VPS26C: variants seen among roughly 807,000 people sequenced by gnomAD.
The protein encoded by VPS26C is VPS26 endosomal protein sorting factor C, also known as vacuolar protein sorting-associated protein 26C.
In VPS26C, 19 loss-of-function variants were observed where a neutral mutation model predicts 30.6. The ratio of observed to expected loss-of-function variants is 0.62; its 90% CI spans 0.43 to 0.91. VPS26C has a LOEUF of 0.91. Ranked by LOEUF, VPS26C falls within the 40% of genes least tolerant of loss-of-function variation. The pLI is 0.00. For missense variants in VPS26C, 318 were observed against 385.1 expected (o/e 0.83, Z 1.46); for synonymous variants, 132 against 151.5 (o/e 0.87, Z 0.95).
At chr21:37,252,813 GC>G (rs1323672014) in intron 1 of VPS26C, among the ~76,000 whole-genome samples, 1 of 152,176 alleles carries the variant, frequency 6.6e-6, no homozygotes, top group African/African-American at 2.4e-5. Context: ...TAATGATAAA[GC>G]CAGATTCAAA....
At chr21:37,264,707 G>A (rs1436396088) in intron 1 of VPS26C, among the ~76,000 whole-genome samples, 1 of 152,200 alleles carries the variant, frequency 6.6e-6, no homozygotes, top group African/African-American at 2.4e-5. Flanking sequence ...CTGGTAGACT[G>A]TAAAGTGGTG....
intron 7 of VPS26C, 87 bp from the exon 8 acceptor site, chr21:37,225,713 C>CT: frequency 8.4e-7 from 1 of 1,189,920 alleles, no homozygotes; most frequent in Non-Finnish European, 1.2e-6. Context: ...GCAGGAAGCT[C>CT]TAACGGCGAA....
intron 5 of VPS26C, among the ~76,000 whole-genome samples, chr21:37,231,122 C>T (rs936611620): frequency 6.6e-6 from 1 of 152,214 alleles, no homozygotes; most frequent in Non-Finnish European, 1.5e-5. Flanking sequence ...ACAGCCTCTA[C>T]AACACCACCA....
intron 1 of VPS26C, among the ~76,000 whole-genome samples, chr21:37,248,447 T>C (rs765301884): frequency 2.0e-5 from 3 of 151,308 alleles, no homozygotes; most frequent in Non-Finnish European, 4.4e-5. Flanking sequence ...AAAATGGAGG[T>C]AATTAAAAGA....
chr21:37,231,750 C>A (rs1430349086), intron 5 of VPS26C: 1 of 153,052 alleles, frequency 6.5e-6, no homozygotes, highest in Admixed American at 6.5e-5. Flanking sequence ...TTTGGACGGG[C>A]CCAAGTTCAC....
In VPS26C at chr21:37,232,391, G is replaced by GT. The variant is rs1316729719; in HGVS notation, c.492dup (p.Gln165ThrfsTer92). 17 of 1,614,040 alleles carry GT rather than the reference G, an allele frequency of 1.1e-5. No individual in the cohort carries two copies. Among genetic ancestry groups the GT allele is most frequent in the Non-Finnish European group, 1.4e-5 (17 of 1,180,002 alleles). ...GGACGTCTTACCTCTTTGACGTTCT[G>GT]TAAGGTTTCAGGTGTAATCGTGAAG... On this transcript the variant is annotated frameshift_variant, in exon 5 of 8. Coordinates refer to ENST00000309117, the MANE Select transcript of VPS26C (RefSeq NM_006052.2). LOFTEE classifies it high-confidence loss of function.
At chr21:37,264,921 A>G (rs1458772882) in intron 1 of VPS26C, among the ~76,000 whole-genome samples, 1 of 152,224 alleles carries the variant, frequency 6.6e-6, no homozygotes, top group African/African-American at 2.4e-5. Flanking sequence ...ACAAAATATG[A>G]TCTATCCATA....
chr21:37,265,876 A>G (rs1292588172), intron 1 of VPS26C, among the ~76,000 whole-genome samples: 1 of 145,462 alleles, frequency 6.9e-6, no homozygotes, highest in Non-Finnish European at 1.5e-5. Context: ...GAGTGTGACT[A>G]CCAGATTTCT....
chr21:37,267,592 C>T, upstream of VPS26C: 1 of 461,110 alleles, frequency 2.2e-6, no homozygotes, highest in Non-Finnish European at 3.9e-6. Flanking sequence ...TAGGGACAGT[C>T]TTACGCCGGA....
intron 3 of VPS26C, among the ~76,000 whole-genome samples, chr21:37,235,851 GTATATATATATA>G (rs146084592): frequency 1.8e-5 from 1 of 55,120 alleles, no homozygotes; most frequent in Non-Finnish European, 3.1e-5. Flanking sequence ...ATATGTGTGT[GTATATATATATA>G]TATATATATA....
intron 3 of VPS26C, among the ~76,000 whole-genome samples, chr21:37,237,093 T>A (rs1431925068): frequency 6.6e-6 from 1 of 152,212 alleles, no homozygotes; most frequent in African/African-American, 2.4e-5. Context: ...CACACACGTT[T>A]TCTATGTATA....
chr21:37,262,472 T>C (rs1166589484), intron 1 of VPS26C, among the ~76,000 whole-genome samples: 6 of 152,254 alleles, frequency 3.9e-5, no homozygotes, highest in Non-Finnish European at 7.3e-5. Context: ...AATCATCTTT[T>C]ATTTTATATA....
At chr21:37,245,437 C>G (rs1022345267) in intron 1 of VPS26C, among the ~76,000 whole-genome samples, 1 of 152,188 alleles carries the variant, frequency 6.6e-6, no homozygotes, top group East Asian at 1.9e-4. Context: ...CAACTGCCCA[C>G]GTTCCTTGCT....
In VPS26C at chr21:37,225,139, A is replaced by G. The variant is rs1382024826; in HGVS notation, c.*405T>C. Reference sequence around the variant, plus strand: ...GTCAACTGGCCACAGACCCTTTGCTATGGGGAGTCCCTGGCTACATCCATT... The same window carrying G: ...GTCAACTGGCCACAGACCCTTTGCTGTGGGGAGTCCCTGGCTACATCCATT... On this transcript the variant is annotated 3_prime_UTR_variant, in exon 8 of 8. Coordinates refer to ENST00000309117, the MANE Select transcript of VPS26C (RefSeq NM_006052.2). 1.9e-5 allele frequency: 4 copies of G among 213,032 alleles called. No individual in the cohort carries two copies. Among genetic ancestry groups the G allele is most frequent in the South Asian group, 7.8e-5 (1 of 12,788 alleles). 13.2% of individuals were successfully genotyped at this position (213,032 alleles called of 1,614,324 possible).
At chr21:37,225,880 T>C in intron 7 of VPS26C, 1 of 544,196 alleles carries the variant, frequency 1.8e-6, no homozygotes, top group Non-Finnish European at 3.3e-6. Flanking sequence ...ACATGAGTGA[T>C]CAGGCTTCAC....
intron 1 of VPS26C, among the ~76,000 whole-genome samples, chr21:37,265,235 C>A (rs999708435): frequency 6.6e-6 from 1 of 152,114 alleles, no homozygotes; most frequent in South Asian, 2.1e-4. Context: ...TGCAAATACA[C>A]TAAAAAACTA....
At chr21:37,232,941 G>C (rs149219008) in intron 4 of VPS26C, among the ~76,000 whole-genome samples, 203 of 152,260 alleles carry the variant, frequency 1.3e-3, no homozygotes, top group Non-Finnish European at 2.5e-3. Context: ...GTCACCTGAA[G>C]AATCATACTT....
At chr21:37,243,059 G>A (rs897672741) in intron 1 of VPS26C, among the ~76,000 whole-genome samples, 22 of 152,078 alleles carry the variant, frequency 1.4e-4, no homozygotes, top group African/African-American at 5.3e-4. Flanking sequence ...AACAGGAGAC[G>A]GTTTAACAGA....
At chr21:37,249,678 C>G (rs1277098655) in intron 1 of VPS26C, among the ~76,000 whole-genome samples, 1 of 152,170 alleles carries the variant, frequency 6.6e-6, no homozygotes, top group East Asian at 1.9e-4. Context: ...GAAAATAACA[C>G]CACAATTGTT....
Sources: gnomAD v4.1 joint callset for allele counts (sites outside exome capture counted in the v4.1 genomes callset) on GRCh38, gnomAD v4.1.1 for gene constraint, MANE v1.5 for transcripts, NCBI Gene and HGNC (gene_info 2026-07-23, HGNC 2026-07-21) for gene names.